DNHD1: variants seen among roughly 807,000 people sequenced by gnomAD.
DNHD1 encodes the protein dynein heavy chain domain 1.
A neutral mutation model predicts 458.1 loss-of-function variants in DNHD1; 383 were observed. The observed-to-expected ratio is 0.84, with a 90% CI of 0.77 to 0.91. The LOEUF (loss-of-function observed/expected upper bound fraction) is 0.91. Among genes scored for constraint, DNHD1 ranks in the 40% least tolerant of loss-of-function variants. DNHD1 has a pLI of 0.00. For synonymous variants in DNHD1, 2,203 were observed against 2,376.9 expected (o/e 0.93, Z 2.13); for missense variants, 5,336 against 5,866.1 (o/e 0.91, Z 2.95).
chr11:6,538,333 C>T lies in DNHD1; in HGVS notation c.2999-50C>T, dbSNP rs576987909. The T allele has an allele frequency of 5.8e-6, 9 of 1,543,040 alleles. No homozygotes were observed. The African/African-American group carries it at 8.2e-5, about 14-fold the overall frequency. ...TCTTGACTGATCATTCCACCACCCC[C>T]CTCCCAACACTGCAAGTAGCCCAGG... On this transcript the variant is annotated intron_variant, in intron 14 of 42. Transcript: ENST00000254579.
intron 24 of DNHD1, among the ~76,000 whole-genome samples, chr11:6,555,585 G>A (rs1853444785): frequency 6.6e-6 from 1 of 152,118 alleles, no homozygotes; most frequent in Non-Finnish European, 1.5e-5. Flanking sequence ...GTTTAACTGG[G>A]GGCTCTCAGA....
chr11:6,544,830 C>T lies in DNHD1; in HGVS notation c.3891C>T (p.Thr1297=), dbSNP rs746879973. The T allele has an allele frequency of 3.1e-5, 48 of 1,551,544 alleles. No homozygotes were observed. In the South Asian group the frequency reaches 3.2e-4, roughly 10 times the overall value. ...RFKVMDDQYR[T]LMRISVADPM... ...AGGTCATGGATGACCAGTATCGAAC[C>T]CTGATGCGCATCTCTGTAGCTGACC... is the stretch of plus-strand genomic sequence containing the variant. The change falls in exon 21 of 43, where the codon ACC becomes ACT. Residue 1297 remains threonine (T), a synonymous_variant. Transcript: ENST00000254579.
chr11:6,556,340 G>A (rs888417854), intron 24 of DNHD1, among the ~76,000 whole-genome samples: 9 of 152,076 alleles, frequency 5.9e-5, no homozygotes, highest in East Asian at 1.9e-4. Flanking sequence ...AAATGATTGC[G>A]CTTTCCTGCT....
At chr11:6,501,889 G>C (rs577994045) in intron 3 of DNHD1, among the ~76,000 whole-genome samples, 3 of 152,274 alleles carry the variant, frequency 2.0e-5, no homozygotes, top group East Asian at 1.9e-4. Context: ...AGTTCATCAA[G>C]GACATATGTA....
chr11:6,557,113 C>A lies in DNHD1; in HGVS notation c.7818C>A (p.Asn2606Lys). The A allele has an allele frequency of 6.4e-7, 1 of 1,551,766 alleles. No individual in the cohort carries two copies. The highest frequency in any genetic ancestry group is 1.4e-5 in the African/African-American group (1 of 73,186). The part of the protein sequence containing the change: ...HLLSSLQLLP[N>K]RTGSRGFVDY... ...TGAGCAGCCTGCAGCTGCTGCCCAA[C>A]AGAACAGGCTCCCGAGGTTTTGTGG... Residue 2606 changes from asparagine (N) to lysine (K), a missense_variant, in exon 25 of 43, where the codon AAC (asparagine) becomes AAA (lysine). By Grantham distance (94) the Asn-to-Lys change is moderately conservative. Transcript: ENST00000254579.
rs1419050130 is a variant in DNHD1 at position 6,557,336 on chromosome 11, T to C, written c.8041T>C (p.Cys2681Arg). ...CCTAGTAGTAGCTCAAAGTGTCTTCTGCTGTGGGCCAGGGCCCCAGCACCT... is the reference window on the plus strand; with the variant it reads ...CCTAGTAGTAGCTCAAAGTGTCTTCCGCTGTGGGCCAGGGCCCCAGCACCT... ...LLLVVAQSVF[C>R]CGPGPQHLGK... The change falls in exon 25 of 43, where the codon TGC becomes CGC. Residue 2681 changes from cysteine to arginine, a missense_variant. Physicochemically the swap from Cys to Arg is radical, Grantham distance 180 (BLOSUM62 -3). Around this residue, in one of 4 missense-constraint regions of DNHD1, gnomAD observed 3,932 missense variants for 4,365.6 expected, o/e 0.90. Transcript: ENST00000254579. 16 of 1,551,428 alleles carry C rather than the reference T, an allele frequency of 1.0e-5. No individual in the cohort carries two copies. Among genetic ancestry groups the C allele is most frequent in the Non-Finnish European group, 1.4e-5 (16 of 1,147,026 alleles).
Position 6,571,050 on chromosome 11 carries a change from C to T in DNHD1, c.13538C>T (p.Ala4513Val), listed in dbSNP as rs1217202792. The T allele has an allele frequency of 1.9e-6, 3 of 1,577,670 alleles. No individual in the cohort carries two copies. The highest frequency in any genetic ancestry group is 2.2e-5 in the East Asian group (1 of 44,458). Residue 4513 changes from alanine (A) to valine (V), a missense_variant, in exon 42 of 43, where the codon GCA becomes GTA. This residue lies in a region of DNHD1 where 698 missense variants were observed against 664.9 expected (regional missense o/e 1.05). Transcript: ENST00000254579. This position sits in a 1 kb window ranked among gnomAD's most constrained non-coding sequence, Gnocchi z 5.0. The stretch of plus-strand genomic sequence containing the variant: ...TGCCTGTTGCAGCAGCTGAAGGGCG[C>T]ACCCCCGTGCCCCTCCCGCCGCTGT... Reference protein sequence around the residue: ...LDCLLQQLKGAPPCPSRRCAA... With the variant: ...LDCLLQQLKGVPPCPSRRCAA...
At chr11:6,569,001 C>T (rs956800774) in intron 39 of DNHD1, 135 bp downstream of exon 39, 5 of 1,104,616 alleles carry the variant, frequency 4.5e-6, no homozygotes, top group Middle Eastern at 5.6e-4. Flanking sequence ...TCAAGGAAGG[C>T]TTCTCCAAAG....
intron 19 of DNHD1, 124 bp downstream of exon 19, chr11:6,544,370 A>G: frequency 3.3e-6 from 4 of 1,210,348 alleles, no homozygotes; most frequent in Non-Finnish European, 4.6e-6. Context: ...GACCTCCTTC[A>G]GGGCTGTTTC....
intron 16 of DNHD1, 104 bp from the exon 17 acceptor site, chr11:6,539,115 G>A: frequency 1.3e-6 from 1 of 777,326 alleles, no homozygotes. Flanking sequence ...TCTGCTATCT[G>A]GGGTCTGAGC....
chr11:6,552,914 A>C (rs1267436525), intron 24 of DNHD1, among the ~76,000 whole-genome samples: 3 of 152,240 alleles, frequency 2.0e-5, no homozygotes, highest in Non-Finnish European at 2.9e-5. Context: ...CTCATACCTA[A>C]GAAAAGTTTG....
intron 6 of DNHD1, among the ~76,000 whole-genome samples, chr11:6,509,887 G>A (rs559241839): frequency 6.6e-6 from 1 of 152,248 alleles, no homozygotes; most frequent in East Asian, 1.9e-4. Flanking sequence ...ACATTAGGGA[G>A]CATGGGAACT....
rs1207950791 is a variant in DNHD1, at chr11:6,544,789, C to T, written c.3853-3C>T. On this transcript the variant is annotated splice_region_variant and splice_polypyrimidine_tract_variant and intron_variant, in intron 20 of 42. Coordinates refer to ENST00000254579, the MANE Select transcript of DNHD1 (RefSeq NM_144666.3). Reference sequence around the variant, plus strand: ...CTCACTTTTATCCTCTCCCTCACCACAGAACTCTCGTTTCAAGGTCATGGA... The same window carrying T: ...CTCACTTTTATCCTCTCCCTCACCATAGAACTCTCGTTTCAAGGTCATGGA... 1.9e-6 allele frequency: 3 copies of T among 1,549,950 alleles called. No individual in the cohort carries two copies. In the East Asian group the frequency reaches 7.3e-5, roughly 38 times the overall value.
Position 6,533,169 on chromosome 11 carries a change from A to C in DNHD1, c.2490A>C (p.Ala830=). 6.4e-7 allele frequency: 1 copy of C among 1,551,552 alleles called. No individual in the cohort carries two copies. Among genetic ancestry groups the C allele is most frequent in the East Asian group, 2.4e-5 (1 of 40,910 alleles). Residue 830 remains alanine (A), a synonymous_variant, in exon 13 of 43, where the codon GCA becomes GCC. Coordinates refer to ENST00000254579, the MANE Select transcript of DNHD1 (RefSeq NM_144666.3). Reference sequence around the variant, plus strand: ...TCAACTCAGATATTCATGCCATTGCACAGTGCACCCAGAAGGTGGGCTCTC... The same window carrying C: ...TCAACTCAGATATTCATGCCATTGCCCAGTGCACCCAGAAGGTGGGCTCTC... ...RTINSDIHAI[A]QCTQKLNEAN...
chr11:6,558,763 GTCTC>G (rs373677243), intron 26 of DNHD1, 70 bp downstream of exon 26: 89 of 1,516,212 alleles, frequency 5.9e-5, no homozygotes, highest in Middle Eastern at 1.7e-4. Context: ...ACCTAGGTCA[GTCTC>G]TCTCTCTCCC....
chr11:6,559,289 G>A lies in DNHD1; in HGVS notation c.9519+6G>A. Reference sequence around the variant, plus strand: ...AGCTGAAAGACTCCGGCAAGGTAAGGAGATGATTTTGAGGCTTCCATGGTG... The same window carrying A: ...AGCTGAAAGACTCCGGCAAGGTAAGAAGATGATTTTGAGGCTTCCATGGTG... On this transcript the variant is annotated splice_donor_region_variant and intron_variant, in intron 28 of 42. Transcript: ENST00000254579. The A allele has an allele frequency of 6.4e-7, 1 of 1,551,178 alleles. No homozygotes were observed. Among genetic ancestry groups the A allele is most frequent in the Non-Finnish European group, 8.7e-7 (1 of 1,146,640 alleles).
chr11:6,534,178 T>C lies in DNHD1; in HGVS notation c.2998+5T>C. The C allele has an allele frequency of 6.5e-7, 1 of 1,550,116 alleles. No individual in the cohort carries two copies. The highest frequency in any genetic ancestry group is 8.7e-7 in the Non-Finnish European group (1 of 1,146,700). ...ACGCCTATGCCATCTTCACTGGTAC[T>C]GAGGATCCCTGCACCCTCCATTATC... On this transcript the variant is annotated splice_donor_5th_base_variant and intron_variant, in intron 14 of 42. Transcript: ENST00000254579.
rs1273583466 is a variant in DNHD1 at position 6,538,753 on chromosome 11, C to T, written c.3268C>T (p.Leu1090Phe). 1.3e-6 allele frequency: 2 copies of T among 1,545,480 alleles called. No individual in the cohort carries two copies. The highest frequency in any genetic ancestry group is 2.0e-5 in the Admixed American group (1 of 50,702). ...GGAGTTTCGCAGCTACCTGCCCCTG[C>T]TCACTAAGCTGGGCAGCCTCCACCC... Reference protein sequence around the residue: ...LGEFRSYLPLLTKLGSLHPQS... With the variant: ...LGEFRSYLPLFTKLGSLHPQS... Residue 1090 changes from leucine to phenylalanine, a missense_variant, in exon 16 of 43, where the codon CTC becomes TTC. By Grantham distance (22) the Leu-to-Phe change is conservative (BLOSUM62 0). Coordinates refer to ENST00000254579, the MANE Select transcript of DNHD1 (RefSeq NM_144666.3).
chr11:6,564,075 T>G lies in DNHD1; in HGVS notation c.10235T>G (p.Met3412Arg), dbSNP rs1018265623. The change falls in exon 31 of 43, where the codon ATG becomes AGG. Residue 3412 changes from methionine to arginine, a missense_variant. Around this residue, in one of 4 missense-constraint regions of DNHD1, gnomAD observed 3,932 missense variants for 4,365.6 expected, o/e 0.90. Transcript: ENST00000254579. Reference protein sequence around the residue: ...AQCGQYHKWPMKAALLTPMRA... With the variant: ...AQCGQYHKWPRKAALLTPMRA... Reference sequence around the variant, plus strand: ...TGTGGGCAGTATCACAAATGGCCCATGAAGGCTGCACTGCTCACGCCTATG... The same window carrying G: ...TGTGGGCAGTATCACAAATGGCCCAGGAAGGCTGCACTGCTCACGCCTATG... 1.9e-6 allele frequency: 3 copies of G among 1,551,634 alleles called. No individual in the cohort carries two copies. The highest frequency in any genetic ancestry group is 2.6e-6 in the Non-Finnish European group (3 of 1,146,996).
Sources: allele counts gnomAD v4.1 joint callset (sites outside exome capture counted in the v4.1 genomes callset), GRCh38; gene constraint gnomAD v4.1.1; regional missense constraint gnomAD v4.1.1; non-coding constraint Gnocchi (gnomAD v3.1); transcripts MANE v1.5; gene names NCBI Gene and HGNC (gene_info 2026-07-23, HGNC 2026-07-21).